DLGAP1: variants seen among roughly 807,000 people sequenced by gnomAD.
DLGAP1 encodes the protein disks large-associated protein 1.
A neutral mutation model predicts 90.8 loss-of-function variants in DLGAP1; 11 were observed. That is an observed-to-expected ratio of 0.12 (90% confidence interval 0.08 to 0.20). The LOEUF is 0.20. DLGAP1 is among the 10% of genes least tolerant of loss of function. The pLI, the probability that DLGAP1 is intolerant of heterozygous loss-of-function variation, is 1.00. For synonymous variants in DLGAP1, 558 were observed against 540.7 expected, an observed-to-expected ratio of 1.03 and a Z score of -0.44; for missense variants, 1,050 against 1,333.8, an observed-to-expected ratio of 0.79 and a Z score of 3.31.
At chr18:4,004,675 G>A (rs894764782) in intron 3 of DLGAP1, among the ~76,000 whole-genome samples, 1 of 152,184 alleles carries the variant, frequency 6.6e-6, no homozygotes, top group Non-Finnish European at 1.5e-5. Context: ...GTGTGTGAGA[G>A]TTTCAGCCTT....
At chr18:3,830,839 A>G (rs2067993743) in intron 4 of DLGAP1, among the ~76,000 whole-genome samples, 1 of 152,244 alleles carries the variant, frequency 6.6e-6, no homozygotes, top group Admixed American at 6.5e-5. Flanking sequence ...GCAGAGACCA[A>G]TATTCATTCC....
intron 10 of DLGAP1, among the ~76,000 whole-genome samples, chr18:3,522,636 G>A (rs1365277291): frequency 4.9e-5 from 7 of 142,230 alleles, no homozygotes; most frequent in African/African-American, 1.1e-4. Flanking sequence ...TCCGCCTTCC[G>A]GGTTCAGGCA....
chr18:4,304,873 G>C (rs1303227381), intron 1 of DLGAP1, among the ~76,000 whole-genome samples: 7 of 151,802 alleles, frequency 4.6e-5, no homozygotes, highest in Non-Finnish European at 1.0e-4. Context: ...GGAGGTTGCA[G>C]TGAGCTGAGA....
intron 7 of DLGAP1, among the ~76,000 whole-genome samples, chr18:3,687,021 T>C (rs1261578037): frequency 6.6e-6 from 1 of 152,176 alleles, no homozygotes; most frequent in East Asian, 1.9e-4. Flanking sequence ...CATTGCTGGC[T>C]TTGAAGATGG....
rs182208107 is a variant in DLGAP1, at chr18:4,027,418, A to G, written c.-158-22217T>C. On this transcript the variant is annotated intron_variant, in intron 2 of 12. Coordinates refer to ENST00000315677, the MANE Select transcript of DLGAP1 (RefSeq NM_004746.4). Reference sequence around the variant, plus strand: ...CTACTCGAGAGGCTGAGGCAGGAGGATTGTTTGAATCCGGGAGGAGGAGGT... The same window carrying G: ...CTACTCGAGAGGCTGAGGCAGGAGGGTTGTTTGAATCCGGGAGGAGGAGGT... 3.1e-3 allele frequency among the ~76,000 whole-genome samples: 421 copies of G among 134,928 alleles called. 3 individuals are homozygous for G. Among genetic ancestry groups the G allele is most frequent in the African/African-American group, 0.011 (407 of 37,136 alleles). The allele number at this position is 134,928 out of a possible 152,430, so 88.5% of individuals were successfully genotyped here.
intron 1 of DLGAP1, among the ~76,000 whole-genome samples, chr18:4,274,543 C>A (rs1476401136): frequency 6.6e-6 from 1 of 152,144 alleles, no homozygotes; most frequent in Non-Finnish European, 1.5e-5. Context: ...CAATTCTTCA[C>A]TGGAATCTGA....
intron 5 of DLGAP1, among the ~76,000 whole-genome samples, chr18:3,789,361 G>A (rs2065613450): frequency 6.6e-6 from 1 of 152,226 alleles, no homozygotes; most frequent in Admixed American, 6.5e-5. Flanking sequence ...ACACAGAGGT[G>A]CCAGGGAGCC....
At chr18:3,872,247 T>C (rs1387369222) in intron 4 of DLGAP1, among the ~76,000 whole-genome samples, 1 of 142,786 alleles carries the variant, frequency 7.0e-6, no homozygotes, top group Admixed American at 7.0e-5. Flanking sequence ...AAAAAAAAAA[T>C]TAAAAACAAG....
Position 3,912,549 on chromosome 18 carries a change from A to G in DLGAP1, c.-72-32409T>C, listed in dbSNP as rs371833687. Among the ~76,000 whole-genome samples the G allele has an allele frequency of 1.4e-4, 21 of 152,342 alleles. No homozygotes were observed. The East Asian group carries it at 2.5e-3, about 18-fold the overall frequency. On this transcript the variant is annotated intron_variant, in intron 3 of 12. Transcript: ENST00000315677. ...TTACAGTCTAGTGGAAGAAACAGAAAATAAACAGAACGAACATGTTAGAAG... is the reference window on the plus strand; with the variant it reads ...TTACAGTCTAGTGGAAGAAACAGAAGATAAACAGAACGAACATGTTAGAAG...
At chr18:4,289,316 T>G (rs561553529) in intron 1 of DLGAP1, among the ~76,000 whole-genome samples, 19 of 152,288 alleles carry the variant, frequency 1.2e-4, no homozygotes, top group Middle Eastern at 3.4e-3. Flanking sequence ...ACCAGGAAGA[T>G]GCATGGAAAA....
At chr18:3,645,614 G>C (rs1382408071) in intron 7 of DLGAP1, among the ~76,000 whole-genome samples, 2 of 152,106 alleles carry the variant, frequency 1.3e-5, no homozygotes, top group Non-Finnish European at 2.9e-5. Flanking sequence ...ACCTAGACAT[G>C]TGCACTGGGG....
At chr18:4,177,698 A>G (rs1310755018) in intron 1 of DLGAP1, among the ~76,000 whole-genome samples, 1 of 152,006 alleles carries the variant, frequency 6.6e-6, no homozygotes, top group Admixed American at 6.6e-5. Flanking sequence ...GCTCCCACTT[A>G]TAAGTGAGAA....
At position 4,348,587 on chromosome 18, in the gene DLGAP1, C is replaced by T. The variant is rs527440690; in HGVS notation, c.-267+106419G>A. Among the ~76,000 whole-genome samples, 3 of 152,098 alleles carry T rather than the reference C, an allele frequency of 2.0e-5. No individual in the cohort carries two copies. The South Asian group carries it at 6.2e-4, about 32-fold the overall frequency. ...TCAGATTTTGTTTCCAAATACCTTT[C>T]GCTAAGAAAAAGAGCCAAATAACCT... On this transcript the variant is annotated intron_variant, in intron 1 of 12. Coordinates refer to ENST00000315677, the MANE Select transcript of DLGAP1 (RefSeq NM_004746.4).
intron 11 of DLGAP1, among the ~76,000 whole-genome samples, chr18:3,503,082 GAT>G (rs1421769955): frequency 1.3e-5 from 2 of 152,060 alleles, no homozygotes; most frequent in African/African-American, 4.8e-5. Context: ...TCTAAAATAA[GAT>G]TAGTTTAAAT....
At chr18:3,829,749 C>A (rs1221080494) in intron 4 of DLGAP1, among the ~76,000 whole-genome samples, 1 of 152,088 alleles carries the variant, frequency 6.6e-6, no homozygotes, top group Non-Finnish European at 1.5e-5. Flanking sequence ...GGAGGGTAAT[C>A]TTCTTTACAT....
At chr18:4,228,495 G>A (rs1042207667) in intron 1 of DLGAP1, among the ~76,000 whole-genome samples, 1 of 151,872 alleles carries the variant, frequency 6.6e-6, no homozygotes, top group African/African-American at 2.4e-5. Flanking sequence ...CATCCATCAC[G>A]GCCAAGTGAG....
intron 1 of DLGAP1, among the ~76,000 whole-genome samples, chr18:4,268,580 G>A (rs2079183751): frequency 6.6e-6 from 1 of 151,912 alleles, no homozygotes; most frequent in Admixed American, 6.5e-5. Context: ...AGGGTTTGTG[G>A]GTTACAGCCA....
chr18:3,589,575 A>G (rs966755479), intron 7 of DLGAP1, among the ~76,000 whole-genome samples: 2 of 152,102 alleles, frequency 1.3e-5, no homozygotes, highest in African/African-American at 4.8e-5. Flanking sequence ...ATATAAATTA[A>G]ATTATATATA....
intron 7 of DLGAP1, among the ~76,000 whole-genome samples, chr18:3,713,705 T>C (rs932889418): frequency 3.5e-4 from 54 of 152,156 alleles, no homozygotes; most frequent in African/African-American, 1.3e-3. Context: ...TATTTGGTGG[T>C]CCTTCCTCTG....
Sources: allele counts gnomAD v4.1 joint callset (sites outside exome capture counted in the v4.1 genomes callset), GRCh38; gene constraint gnomAD v4.1.1; transcripts MANE v1.5; gene names NCBI Gene and HGNC (gene_info 2026-07-23, HGNC 2026-07-21).